C2orf68: variants seen among roughly 807,000 people sequenced by gnomAD.
C2orf68 encodes the protein UPF0561 protein C2orf68.
In C2orf68, 15 loss-of-function variants were observed where a neutral mutation model predicts 19.1. That is an observed-to-expected ratio of 0.79 (90% confidence interval 0.53 to 1.21). The LOEUF is 1.21. Ranked by LOEUF, C2orf68 falls within the 50% of genes most tolerant of loss-of-function variation. C2orf68 has a pLI of 0.00. For synonymous variants in C2orf68, 98 were observed against 91.0 expected (o/e 1.08, Z -0.44); for missense variants, 242 against 226.6 (o/e 1.07, Z -0.44).
rs756164113 is a variant in C2orf68 at position 85,611,892 on chromosome 2, C to T, written c.93G>A (p.Arg31=). ...CGGGGCGGTACCGAGCGATCTGGTT[C>T]CGTCGGATATGGTGCACGAAGCCGT... ...MNHGFVHHIR[R]NQIARDDYDK... The change falls in exon 1 of 4, where the codon CGG becomes CGA. Residue 31 remains arginine, a synonymous_variant. Transcript: ENST00000306336. The T allele has an allele frequency of 6.3e-7, 1 of 1,596,310 alleles. No homozygotes were observed. The highest frequency in any genetic ancestry group is 8.5e-7 in the Non-Finnish European group (1 of 1,176,820).
rs1380872369 is a variant in C2orf68 at position 85,606,722 on chromosome 2, A to G, written c.*2223T>C. The G allele has an allele frequency of 2.6e-5, 4 of 152,164 alleles. No individual in the cohort carries two copies. The East Asian group carries it at 7.7e-4, about 29-fold the overall frequency. The allele number at this position is 152,164 out of a possible 1,614,324, so 9.4% of individuals were successfully genotyped here. On this transcript the variant is annotated 3_prime_UTR_variant, in exon 4 of 4. Transcript: ENST00000306336. ...CCCGGTCTTTGTGAGGATTACCACA[A>G]CAAACACTTAAAAGGATACAACAGG...
chr2:85,607,677 G>A lies in C2orf68; in HGVS notation c.*1268C>T, dbSNP rs553347689. On this transcript the variant is annotated 3_prime_UTR_variant, in exon 4 of 4. Coordinates refer to ENST00000306336, the MANE Select transcript of C2orf68 (RefSeq NM_001013649.4). ...AGTGCCATCAGGTGTCTTAACACCC[G>A]GATGTGGAGAAACCCCTGGGGCAAG... is the stretch of plus-strand genomic sequence containing the variant. 5.3e-5 allele frequency: 8 copies of A among 152,302 alleles called. No individual in the cohort carries two copies. The highest frequency in any genetic ancestry group is 2.6e-4 in the Admixed American group (4 of 15,284). 9.4% of individuals were successfully genotyped at this position (152,302 alleles called of 1,614,324 possible). A position where few individuals can be genotyped will look rare whatever the true frequency, so the allele number is the denominator to read the frequency against.
At position 85,611,226 on chromosome 2, in the gene C2orf68, A is replaced by T. The variant is rs927520451; in HGVS notation, c.226+442T>A. 2.6e-4 allele frequency: 328 copies of T among 1,281,304 alleles called. 3 individuals carry two copies. The highest frequency in any genetic ancestry group is 1.5e-3 in the South Asian group (78 of 52,104). The allele number at this position is 1,281,304 out of a possible 1,614,324, so 79.4% of individuals were successfully genotyped here. A position where few individuals can be genotyped will look rare whatever the true frequency, so the allele number is the denominator to read the frequency against. ...CTCAAAAATAAAATAAAAACATTTT[A>T]AAAAAAGTAATAATGCTTAACAAAA... On this transcript the variant is annotated intron_variant, in intron 2 of 3. Coordinates refer to ENST00000306336, the MANE Select transcript of C2orf68 (RefSeq NM_001013649.4).
At chr2:85,611,284 T>C (rs942324294) in intron 2 of C2orf68, 2 of 1,416,830 alleles carry the variant, frequency 1.4e-6, no homozygotes, top group Middle Eastern at 2.6e-4. Context: ...GTGTGATCTC[T>C]AGGTAGCAGA....
rs1395929718 is a variant in C2orf68, at chr2:85,606,294, C to CA, written c.*2650dup. On this transcript the variant is annotated 3_prime_UTR_variant, in exon 4 of 4. Transcript: ENST00000306336. ...TGCCACTGTACGCCACAGCACCGGA[C>CA]AGTGTTCTTTGGGACATCTCTGGGA... 7.9e-5 allele frequency among the ~76,000 whole-genome samples: 12 copies of CA among 152,252 alleles called. No homozygotes were observed. The highest frequency in any genetic ancestry group is 3.9e-4 in the Admixed American group (6 of 15,286).
intron 3 of C2orf68, 69 bp downstream of exon 3, chr2:85,609,366 T>A: frequency 6.4e-7 from 1 of 1,570,152 alleles, no homozygotes; most frequent in South Asian, 1.2e-5. Context: ...AAAACAGGGC[T>A]CAGGGTCTGA....
intron 1 of C2orf68, 39 bp from the exon 2 acceptor site, chr2:85,611,825 G>T: frequency 6.2e-7 from 1 of 1,607,028 alleles, no homozygotes. Context: ...CTGTCGGGCC[G>T]GGCCAGGCCA....
intron 2 of C2orf68, chr2:85,611,324 C>A: frequency 7.0e-7 from 1 of 1,427,670 alleles, no homozygotes; most frequent in Non-Finnish European, 9.1e-7. Context: ...TTACTGGGTT[C>A]ATTCCGCAAT....
chr2:85,611,743 CCTT>C lies in C2orf68; in HGVS notation c.148_150del (p.Lys50del). On this transcript the variant is annotated inframe_deletion, in exon 2 of 4. Coordinates refer to ENST00000306336, the MANE Select transcript of C2orf68 (RefSeq NM_001013649.4). Reference sequence around the variant, plus strand: ...GGCGCGGGCGTGTGCCGCCTCCTCACCTTCTCCTTGGCCGCCTGCTTCACCTTC... The same window carrying C: ...GGCGCGGGCGTGTGCCGCCTCCTCACCTCCTTGGCCGCCTGCTTCACCTTC... The C allele has an allele frequency of 6.2e-7, 1 of 1,611,286 alleles. No individual in the cohort carries two copies. The highest frequency in any genetic ancestry group is 8.5e-7 in the Non-Finnish European group (1 of 1,179,174).
chr2:85,611,834 C>T (rs1673559100), intron 1 of C2orf68, 44 bp downstream of exon 1: 10 of 1,605,788 alleles, frequency 6.2e-6, no homozygotes, highest in Non-Finnish European at 8.5e-6. Flanking sequence ...CGGGCCAGGC[C>T]AGGCCAGGAG....
At position 85,606,777 on chromosome 2, in the gene C2orf68, CTCT is replaced by C. The variant is rs1214273696; in HGVS notation, c.*2165_*2167del. 6.6e-6 allele frequency: 1 copy of C among 151,632 alleles called. No individual in the cohort carries two copies. Among genetic ancestry groups the C allele is most frequent in the Non-Finnish European group, 1.5e-5 (1 of 67,928 alleles). The allele number at this position is 151,632 out of a possible 1,614,324, so 9.4% of individuals were successfully genotyped here. A position where few individuals can be genotyped will look rare whatever the true frequency, so the allele number is the denominator to read the frequency against. On this transcript the variant is annotated 3_prime_UTR_variant, in exon 4 of 4. Transcript: ENST00000306336. ...TATTAAATGCTGCCTTGCCTTTTAC[CTCT>C]TCCTTTTTTTTTTTTTTTTGAGATG... is the stretch of plus-strand genomic sequence containing the variant.
chr2:85,611,595 T>C (rs781468048), intron 2 of C2orf68, 73 bp downstream of exon 2: 17 of 1,553,022 alleles, frequency 1.1e-5, no homozygotes, highest in Non-Finnish European at 1.5e-5. Flanking sequence ...GAAGTGGTTT[T>C]TCCCTATAGA....
rs1461968461 is a variant in C2orf68 at position 85,607,488 on chromosome 2, G to C, written c.*1457C>G. ...CAGCTCTGTAGGTCTGGAGCATTCT[G>C]GTCCCTGGCCGCTTTCACCACCAGG... On this transcript the variant is annotated 3_prime_UTR_variant, in exon 4 of 4. Transcript: ENST00000306336. The C allele has an allele frequency of 6.6e-6, 1 of 152,208 alleles. No homozygotes were observed. Among genetic ancestry groups the C allele is most frequent in the Non-Finnish European group, 1.5e-5 (1 of 68,054 alleles). 9.4% of individuals were successfully genotyped at this position (152,208 alleles called of 1,614,324 possible).
chr2:85,610,007 T>C (rs1673405337), intron 2 of C2orf68, among the ~76,000 whole-genome samples: 1 of 141,742 alleles, frequency 7.1e-6, no homozygotes, highest in African/African-American at 2.7e-5. Flanking sequence ...GGGTCCAGTG[T>C]AAGTGGTTTT....
In C2orf68 at chr2:85,611,863, A is replaced by AGGGCG; in HGVS notation, c.107+10_107+14dup. On this transcript the variant is annotated intron_variant, in intron 1 of 3. Coordinates refer to ENST00000306336, the MANE Select transcript of C2orf68 (RefSeq NM_001013649.4). ...CCAGGAGTGGTGGCGGCGGCGGCGC[A>AGGGCG]GGGCGGGGCGGTACCGAGCGATCTG... The AGGGCG allele has an allele frequency of 4.4e-6, 7 of 1,597,848 alleles. No individual in the cohort carries two copies. The highest frequency in any genetic ancestry group is 5.9e-6 in the Non-Finnish European group (7 of 1,177,176).
rs747486270 is a variant in C2orf68 at position 85,608,905 on chromosome 2, G to T, written c.*40C>A. The T allele has an allele frequency of 9.3e-6, 15 of 1,607,408 alleles. No homozygotes were observed. In the Admixed American group the frequency reaches 1.2e-4, roughly 13 times the overall value. On this transcript the variant is annotated 3_prime_UTR_variant, in exon 4 of 4. Coordinates refer to ENST00000306336, the MANE Select transcript of C2orf68 (RefSeq NM_001013649.4). ...AATTCCCTGGGCAGAATTCTTCCGA[G>T]TGCAGTGAATCCAGCCTGGAGAGAA...
rs1217186401 is a variant in C2orf68, at chr2:85,609,152, C to T, written c.379-85G>A. On this transcript the variant is annotated intron_variant, in intron 3 of 3. Coordinates refer to ENST00000306336, the MANE Select transcript of C2orf68 (RefSeq NM_001013649.4). ...CCTGTCCCTAAACACTCTCACAGAACTCCATTTAGCTCAAGGCTTTTTGCC... is the reference window on the plus strand; with the variant it reads ...CCTGTCCCTAAACACTCTCACAGAATTCCATTTAGCTCAAGGCTTTTTGCC... 2.6e-6 allele frequency: 4 copies of T among 1,535,714 alleles called. No homozygotes were observed. In the East Asian group the frequency reaches 6.9e-5, roughly 27 times the overall value.
In C2orf68 at chr2:85,609,514, A is replaced by G; in HGVS notation, c.299T>C (p.Leu100Pro). ...GESSSSGGSE[L>P]EPSGHQLFCL... The stretch of plus-strand genomic sequence containing the variant: ...GAAGAGCTGATGGCCAGAAGGCTCC[A>G]GCTCAGAGCCTCCACTACTGCTGCT... The change falls in exon 3 of 4, where the codon CTG (leucine) becomes CCG (proline). Residue 100 changes from leucine to proline, a missense_variant. Transcript: ENST00000306336. 1 of 1,614,236 alleles carries G rather than the reference A, an allele frequency of 6.2e-7. No homozygotes were observed. The highest frequency in any genetic ancestry group is 8.5e-7 in the Non-Finnish European group (1 of 1,180,026).
Position 85,608,903 on chromosome 2 carries a change from G to C in C2orf68, c.*42C>G, listed in dbSNP as rs369815691. On this transcript the variant is annotated 3_prime_UTR_variant, in exon 4 of 4. Transcript: ENST00000306336. ...TAAATTCCCTGGGCAGAATTCTTCC[G>C]AGTGCAGTGAATCCAGCCTGGAGAG... 5 of 1,606,924 alleles carry C rather than the reference G, an allele frequency of 3.1e-6. No homozygotes were observed. The African/African-American group carries it at 6.7e-5, about 21-fold the overall frequency.
Sources: gnomAD v4.1 joint callset for allele counts (sites outside exome capture counted in the v4.1 genomes callset) on GRCh38, gnomAD v4.1.1 for gene constraint, MANE v1.5 for transcripts, NCBI Gene and HGNC (gene_info 2026-07-23, HGNC 2026-07-21) for gene names.